Variants in CTNNA2 observed in about 807,000 individuals in gnomAD.
CTNNA2 encodes the protein catenin alpha-2.
Under a neutral mutation model 101.0 loss-of-function variants are expected in CTNNA2, and 42 were observed. That is an observed-to-expected ratio of 0.42 (90% confidence interval 0.32 to 0.54). The LOEUF is 0.54. CTNNA2 is among the 20% of genes least tolerant of loss of function. CTNNA2 has a pLI of 0.14. For missense variants in CTNNA2, 871 were observed against 1,223.1 expected, an observed-to-expected ratio of 0.71 and a Z score of 4.29; for synonymous variants, 450 against 456.4, an observed-to-expected ratio of 0.99 and a Z score of 0.18.
At chr2:79,789,112 A>G (rs770649620) in intron 3 of CTNNA2, among the ~76,000 whole-genome samples, 2 of 152,208 alleles carry the variant, frequency 1.3e-5, no homozygotes, top group Non-Finnish European at 2.9e-5. Context: ...TATAAGGTGG[A>G]CATTGCGTGT....
At chr2:79,436,780 C>T (rs776222378) in intron 4 of CTNNA2, among the ~76,000 whole-genome samples, 5 of 151,942 alleles carry the variant, frequency 3.3e-5, no homozygotes, top group Non-Finnish European at 5.9e-5. Context: ...TACAGGCACC[C>T]GCCACCAGGC....
intron 7 of CTNNA2, among the ~76,000 whole-genome samples, chr2:80,332,136 A>G (rs1671388954): frequency 6.6e-6 from 1 of 152,094 alleles, no homozygotes; most frequent in Admixed American, 6.5e-5. Context: ...TCTCACTTAC[A>G]TGTCTTAGTT....
Position 80,023,673 on chromosome 2 carries a change from C to T in CTNNA2, c.1056+113876C>T, listed in dbSNP as rs186936113. Among the ~76,000 whole-genome samples, 500 of 152,274 alleles carry T rather than the reference C, an allele frequency of 3.3e-3. 3 individuals are homozygous for T. In the South Asian group the frequency reaches 0.033, roughly 10 times the overall value. On this transcript the variant is annotated intron_variant, in intron 7 of 18. Coordinates refer to ENST00000402739, the MANE Select transcript of CTNNA2 (RefSeq NM_001282597.3). Reference sequence around the variant, plus strand: ...CAACATTTTTGTGCAAATTACTATACTAGGAAATCCAGGGCCCACAATCCA... The same window carrying T: ...CAACATTTTTGTGCAAATTACTATATTAGGAAATCCAGGGCCCACAATCCA...
intron 7 of CTNNA2, among the ~76,000 whole-genome samples, chr2:80,385,739 C>T (rs1184997295): frequency 1.3e-5 from 2 of 152,078 alleles, no homozygotes; most frequent in African/African-American, 4.8e-5. Context: ...TCTTCCTCTG[C>T]CTCTCCTTCT....
intron 12 of CTNNA2, among the ~76,000 whole-genome samples, chr2:80,570,596 C>T (rs546258853): frequency 1.3e-4 from 20 of 152,156 alleles, no homozygotes; most frequent in African/African-American, 4.6e-4. Context: ...TGAATGAGTT[C>T]GAGTTTTATG....
intron 1 of CTNNA2, chr2:79,523,271 G>T: frequency 2.2e-6 from 1 of 449,490 alleles, no homozygotes; most frequent in Non-Finnish European, 4.5e-6. Context: ...ATTGATTTTG[G>T]GGGCCCCAGG....
Position 80,549,491 on chromosome 2 carries a change from TA to T in CTNNA2, c.1540+3429del, listed in dbSNP as rs1007636948. 3.0e-4 allele frequency among the ~76,000 whole-genome samples: 45 copies of T among 152,344 alleles called. No homozygotes were observed. In the Middle Eastern group the frequency reaches 0.01, roughly 35 times the overall value. ...TAACAAAATTATATCATTTCTAAAATAGTAATGTTGCCAAATATAAGGAAGT... is the reference window on the plus strand; with the variant it reads ...TAACAAAATTATATCATTTCTAAAATGTAATGTTGCCAAATATAAGGAAGT... On this transcript the variant is annotated intron_variant, in intron 11 of 18. Transcript: ENST00000402739.
chr2:80,117,515 A>G (rs1434718657), intron 7 of CTNNA2, among the ~76,000 whole-genome samples: 2 of 150,110 alleles, frequency 1.3e-5, no homozygotes, highest in Non-Finnish European at 3.0e-5. Flanking sequence ...ACTGATTCCA[A>G]AAATGACTTG....
At chr2:79,276,299 G>C (rs1675211660) in intron 2 of CTNNA2, among the ~76,000 whole-genome samples, 1 of 152,030 alleles carries the variant, frequency 6.6e-6, no homozygotes, top group Non-Finnish European at 1.5e-5. Flanking sequence ...CCCTTAGTCT[G>C]TTTGAGCTAT....
intron 7 of CTNNA2, among the ~76,000 whole-genome samples, chr2:80,277,629 A>G (rs1006252397): frequency 6.6e-6 from 1 of 152,004 alleles, no homozygotes; most frequent in African/African-American, 2.4e-5. Context: ...AAAGGAGAAA[A>G]TAGGGACCTT....
chr2:79,257,126 TC>T (rs1335245840), intron 2 of CTNNA2, among the ~76,000 whole-genome samples: 4 of 152,204 alleles, frequency 2.6e-5, no homozygotes, highest in African/African-American at 9.6e-5. Context: ...CACTTTACTC[TC>T]CTTTTTGCCT....
At chr2:80,627,296 T>C (rs1334794292) in intron 18 of CTNNA2, among the ~76,000 whole-genome samples, 3 of 152,206 alleles carry the variant, frequency 2.0e-5, no homozygotes, top group African/African-American at 7.2e-5. Flanking sequence ...CGCCACACTG[T>C]CTTCCACAAT....
intron 1 of CTNNA2, among the ~76,000 whole-genome samples, chr2:79,632,863 G>T (rs1035998477): frequency 1.3e-5 from 2 of 152,198 alleles, no homozygotes; most frequent in African/African-American, 4.8e-5. Flanking sequence ...TATTTCATAT[G>T]TGTGGGCCAT....
At chr2:80,514,968 G>A (rs899788126) in intron 9 of CTNNA2, among the ~76,000 whole-genome samples, 2 of 152,156 alleles carry the variant, frequency 1.3e-5, no homozygotes, top group Non-Finnish European at 2.9e-5. Flanking sequence ...GGTTTCATCA[G>A]GGACCTACCC....
intron 2 of CTNNA2, chr2:79,687,794 C>T (rs75366866): frequency 0.021 from 9,599 of 465,450 alleles, 320 homozygotes; most frequent in East Asian, 0.1. Context: ...GAAATACAGG[C>T]GCCAAAAATG....
intron 7 of CTNNA2, among the ~76,000 whole-genome samples, chr2:80,223,052 G>T (rs1303021418): frequency 2.6e-5 from 4 of 151,948 alleles, no homozygotes; most frequent in African/African-American, 7.3e-5. Context: ...TCCATAATCT[G>T]TTTTTTTACA....
intron 9 of CTNNA2, among the ~76,000 whole-genome samples, chr2:80,528,888 A>T (rs1044687658): frequency 6.6e-6 from 1 of 152,174 alleles, no homozygotes; most frequent in Non-Finnish European, 1.5e-5. Context: ...AGGACAGATT[A>T]GACTTTTGGA....
chr2:80,182,152 C>T (rs534769413), intron 7 of CTNNA2, among the ~76,000 whole-genome samples: 1 of 152,282 alleles, frequency 6.6e-6, no homozygotes, highest in East Asian at 1.9e-4. Flanking sequence ...CACAAAACCT[C>T]AAAAGTAGGG....
intron 7 of CTNNA2, among the ~76,000 whole-genome samples, chr2:80,306,389 C>A (rs55636453): frequency 0.09 from 11,920 of 132,670 alleles, 636 homozygotes; most frequent in East Asian, 0.24. Flanking sequence ...CTTTTCTTTT[C>A]TTTTCTTTTC....
Sources: gnomAD v4.1 joint callset for allele counts (sites outside exome capture counted in the v4.1 genomes callset) on GRCh38, gnomAD v4.1.1 for gene constraint, MANE v1.5 for transcripts, NCBI Gene and HGNC (gene_info 2026-07-23, HGNC 2026-07-21) for gene names.